The following ABCD2 variants were observed in gnomAD, a reference collection of about 807,000 sequenced individuals.
ABCD2 encodes the protein ATP-binding cassette sub-family D member 2.
Under a neutral mutation model 70.9 loss-of-function variants are expected in ABCD2, and 36 were observed. The observed-to-expected ratio is 0.51, with a 90% CI of 0.39 to 0.67. ABCD2 has a LOEUF of 0.67. Ranked by LOEUF, ABCD2 falls within the 30% of genes least tolerant of loss-of-function variation. ABCD2 has a pLI of 0.00. For missense variants in ABCD2, 729 were observed against 890.2 expected (o/e 0.82, Z 2.30); for synonymous variants, 304 against 306.9 (o/e 0.99, Z 0.10).
chr12:39,537,301 C>G, the ABCD2 span, among the ~76,000 whole-genome samples: 1 of 152,280 alleles, frequency 6.6e-6, no homozygotes, highest in African/African-American at 2.4e-5. Context: ...GATGGTATAT[C>G]CAGGCTTCTA....
At chr12:39,609,205 C>A (rs1942012836) in intron 2 of ABCD2, among the ~76,000 whole-genome samples, 1 of 152,040 alleles carries the variant, frequency 6.6e-6, no homozygotes, top group African/African-American at 2.4e-5. Flanking sequence ...GGATGAACAT[C>A]CTAAATTACT....
At chr12:39,539,450 C>G in the ABCD2 span, 1 of 152,524 alleles carries the variant, frequency 6.6e-6, no homozygotes, top group East Asian at 1.9e-4. Context: ...TACAGGATTC[C>G]TTAGCCCTTT....
At chr12:39,599,404 T>G (rs1941865391) in intron 6 of ABCD2, among the ~76,000 whole-genome samples, 1 of 152,244 alleles carries the variant, frequency 6.6e-6, no homozygotes, top group South Asian at 2.1e-4. Flanking sequence ...CAGAAACTTT[T>G]GGCAGTATAA....
At chr12:39,534,922 AAGAAAGAAAGAAAGAAAGAAAG>A in the ABCD2 span, among the ~76,000 whole-genome samples, 1 of 150,782 alleles carries the variant, frequency 6.6e-6, no homozygotes, top group East Asian at 2.0e-4. Context: ...GAAAGAAAGA[AAGAAAGAAAGAAAGAAAGAAAG>A]AAAGAAAACA....
intron 3 of ABCD2, among the ~76,000 whole-genome samples, chr12:39,606,742 A>G (rs910935189): frequency 6.6e-6 from 1 of 152,234 alleles, no homozygotes; most frequent in Non-Finnish European, 1.5e-5. Flanking sequence ...TATGATAGCC[A>G]TAAGACTAAC....
intron 6 of ABCD2, among the ~76,000 whole-genome samples, chr12:39,588,804 CA>C (rs901509799): frequency 1.3e-5 from 2 of 150,920 alleles, no homozygotes; most frequent in African/African-American, 4.9e-5. Context: ...ATATCAATGT[CA>C]TATAAAATAA....
intron 6 of ABCD2, among the ~76,000 whole-genome samples, chr12:39,589,475 C>T (rs1266278743): frequency 1.4e-4 from 21 of 149,092 alleles, no homozygotes; most frequent in African/African-American, 4.2e-4. Context: ...CTGCAAGCTC[C>T]GCCTCCCGGG....
chr12:39,569,998 G>T (rs940907568), intron 9 of ABCD2, among the ~76,000 whole-genome samples: 1 of 152,070 alleles, frequency 6.6e-6, no homozygotes, highest in African/African-American at 2.4e-5. Flanking sequence ...GCTAGAAAAA[G>T]TTAAACACTT....
chr12:39,600,564 T>A lies in ABCD2; in HGVS notation c.1646+7A>T. 1.9e-6 allele frequency: 3 copies of A among 1,570,188 alleles called. No homozygotes were observed. Among genetic ancestry groups the A allele is most frequent in the Non-Finnish European group, 2.6e-6 (3 of 1,160,814 alleles). ...TTGTTTCTTGTAATATAAAAAGATA[T>A]ACCTACCTTTGTGGAATATAAAACA... On this transcript the variant is annotated splice_region_variant and intron_variant, in intron 6 of 9. Coordinates refer to ENST00000308666, the MANE Select transcript of ABCD2 (RefSeq NM_005164.4).
chr12:39,610,266 C>T (rs538107887), intron 2 of ABCD2, among the ~76,000 whole-genome samples: 5 of 152,088 alleles, frequency 3.3e-5, no homozygotes, highest in African/African-American at 1.2e-4. Flanking sequence ...TTACCATAGT[C>T]CAATGTGTCC....
At chr12:39,597,151 GA>G (rs1240584886) in intron 6 of ABCD2, among the ~76,000 whole-genome samples, 1 of 152,060 alleles carries the variant, frequency 6.6e-6, no homozygotes, top group East Asian at 1.9e-4. Context: ...TAGTACAAAA[GA>G]AAGCAAGATT....
chr12:39,578,664 A>G (rs1486715580), intron 8 of ABCD2, among the ~76,000 whole-genome samples: 2 of 151,074 alleles, frequency 1.3e-5, no homozygotes, highest in Non-Finnish European at 2.9e-5. Context: ...AAGGCTATGA[A>G]GCTGGTTACA....
chr12:39,539,051 C>T, the ABCD2 span, among the ~76,000 whole-genome samples: 1 of 152,260 alleles, frequency 6.6e-6, no homozygotes, highest in South Asian at 2.1e-4. Flanking sequence ...TGTCTGTTGG[C>T]GCACTCTCAG....
chr12:39,600,773 G>A (rs1363499542), intron 5 of ABCD2, 57 bp from the exon 6 acceptor site: 18 of 1,427,948 alleles, frequency 1.3e-5, no homozygotes, highest in Non-Finnish European at 1.6e-5. Flanking sequence ...TATTTTGGCA[G>A]CACCTAAAAG....
At chr12:39,601,125 T>G (rs897752815) in intron 5 of ABCD2, among the ~76,000 whole-genome samples, 9 of 152,098 alleles carry the variant, frequency 5.9e-5, no homozygotes, top group African/African-American at 2.2e-4. Flanking sequence ...GAAAATTAAC[T>G]GCAATTAATA....
chr12:39,572,876 A>G (rs1941466874), intron 9 of ABCD2, among the ~76,000 whole-genome samples: 1 of 152,178 alleles, frequency 6.6e-6, no homozygotes, highest in Admixed American at 6.5e-5. Context: ...AAGAAGTCAA[A>G]AGAAAAAATT....
intron 9 of ABCD2, among the ~76,000 whole-genome samples, chr12:39,564,459 C>T (rs1266162895): frequency 6.6e-6 from 1 of 152,106 alleles, no homozygotes; most frequent in Non-Finnish European, 1.5e-5. Flanking sequence ...ATCCTTTGCC[C>T]ACTTTTTGAT....
chr12:39,541,685 C>T, the ABCD2 span, among the ~76,000 whole-genome samples: 7 of 152,270 alleles, frequency 4.6e-5, no homozygotes, highest in South Asian at 2.1e-4. Flanking sequence ...ATGTGGAGCA[C>T]GTGACATGGA....
intron 7 of ABCD2, among the ~76,000 whole-genome samples, chr12:39,583,607 T>G (rs1941626585): frequency 6.6e-6 from 1 of 152,190 alleles, no homozygotes; most frequent in Non-Finnish European, 1.5e-5. Flanking sequence ...GTACATATTA[T>G]TTCATCATCC....
Sources: gnomAD v4.1 joint callset for allele counts (sites outside exome capture counted in the v4.1 genomes callset) on GRCh38, gnomAD v4.1.1 for gene constraint, MANE v1.5 for transcripts, NCBI Gene and HGNC (gene_info 2026-07-23, HGNC 2026-07-21) for gene names.